The following KDM3A variants were observed in gnomAD, a reference collection of about 807,000 sequenced individuals.
KDM3A encodes lysine demethylase 3A.
In KDM3A, 60 loss-of-function variants were observed where a neutral mutation model predicts 158.0. The observed-to-expected ratio is 0.38, with a 90% CI of 0.31 to 0.47. KDM3A has a LOEUF of 0.47. Among genes scored for constraint, KDM3A ranks in the 20% least tolerant of loss-of-function variants. KDM3A has a pLI of 0.99. For synonymous variants in KDM3A, 608 were observed against 549.3 expected (o/e 1.11, Z -1.49); for missense variants, 1,319 against 1,574.3 (o/e 0.84, Z 2.74).
At position 86,456,848 on chromosome 2, in the gene KDM3A, A is replaced by C; in HGVS notation, c.725A>C (p.Glu242Ala). ...KIVDPSLIHV[E>A]VVHDNLVTCG... ...GTTGATCCGTCACTGATTCATGTTG[A>C]AGTTGTACACGATAACCTTGTGACA... Residue 242 changes from glutamate (E) to alanine (A), a missense_variant, in exon 7 of 26, where the codon GAA becomes GCA. By Grantham distance (107) the Glu-to-Ala change is moderately radical. Transcript: ENST00000312912. 6.2e-7 allele frequency: 1 copy of C among 1,612,486 alleles called. No individual in the cohort carries two copies.
intron 17 of KDM3A, 146 bp downstream of exon 17, chr2:86,482,248 G>A (rs528040954): frequency 1.7e-6 from 2 of 1,168,940 alleles, no homozygotes; most frequent in South Asian, 1.4e-5. Flanking sequence ...TGGAGGATGG[G>A]TTTTATGGGA....
Position 86,483,824 on chromosome 2 carries a change from C to T in KDM3A, c.2923-163C>T, listed in dbSNP as rs1311250701. On this transcript the variant is annotated intron_variant, in intron 18 of 25. Coordinates refer to ENST00000312912, the MANE Select transcript of KDM3A (RefSeq NM_018433.6). ...AGATGAATGGTGAAGGTTGGAGGTG[C>T]TTTGGGAGCTCAGAGAACTAAGCCG... 10 of 565,834 alleles carry T rather than the reference C, an allele frequency of 1.8e-5. No individual in the cohort carries two copies. The East Asian group carries it at 3.0e-4, about 17-fold the overall frequency. 35.1% of individuals were successfully genotyped at this position (565,834 alleles called of 1,614,324 possible).
intron 15 of KDM3A, chr2:86,479,394 G>A (rs1231590788): frequency 6.6e-6 from 1 of 152,096 alleles, no homozygotes; most frequent in Non-Finnish European, 1.5e-5. Flanking sequence ...GTAATATTTG[G>A]AGTCAGAACT....
chr2:86,456,593 G>A (rs370625046), intron 6 of KDM3A, 27 bp downstream of exon 6: 16 of 1,589,564 alleles, frequency 1.0e-5, no homozygotes, highest in Non-Finnish European at 1.3e-5. Flanking sequence ...CTCTTTGTAA[G>A]ATAACTCGAC....
chr2:86,449,985 G>T, intron 3 of KDM3A, 23 bp downstream of exon 3: 2 of 1,596,796 alleles, frequency 1.3e-6, no homozygotes, highest in South Asian at 2.3e-5. Context: ...TGGGCTTATT[G>T]AACTCCTGAG....
At chr2:86,460,994 G>C in intron 8 of KDM3A, among the ~76,000 whole-genome samples, 1 of 152,164 alleles carries the variant, frequency 6.6e-6, no homozygotes, top group Non-Finnish European at 1.5e-5. Context: ...GCTAAGTTGT[G>C]CTAATTCTAA....
chr2:86,489,729 A>G, intron 23 of KDM3A, 70 bp downstream of exon 23: 1 of 1,505,116 alleles, frequency 6.6e-7, no homozygotes, highest in Non-Finnish European at 8.9e-7. Flanking sequence ...CATGTGGTGA[A>G]CTGACTGGCT....
chr2:86,471,359 A>ATGTG (rs1673400121), intron 11 of KDM3A, among the ~76,000 whole-genome samples: 1 of 148,568 alleles, frequency 6.7e-6, no homozygotes, highest in African/African-American at 2.5e-5. Flanking sequence ...GTGTGTGTGT[A>ATGTG]TATGTGTATA....
chr2:86,442,062 C>T lies in KDM3A; in HGVS notation c.15C>T (p.Leu5=), dbSNP rs778556993. 6.8e-6 allele frequency: 11 copies of T among 1,613,988 alleles called. No homozygotes were observed. The highest frequency in any genetic ancestry group is 8.5e-6 in the Non-Finnish European group (10 of 1,179,952). MVLT[L]GESWPVLVGR... Reference sequence around the variant, plus strand: ...GCGTGGAAACCATGGTGCTCACGCTCGGAGAAAGTTGGCCGGTATTGGTGG... The same window carrying T: ...GCGTGGAAACCATGGTGCTCACGCTTGGAGAAAGTTGGCCGGTATTGGTGG... Residue 5 remains leucine, a synonymous_variant, in exon 2 of 26, where the codon CTC becomes CTT. Transcript: ENST00000312912.
At chr2:86,472,454 G>T (rs1178433946) in intron 11 of KDM3A, among the ~76,000 whole-genome samples, 1 of 151,964 alleles carries the variant, frequency 6.6e-6, no homozygotes, top group African/African-American at 2.4e-5. Context: ...TAGGGGTAGG[G>T]TCTCAGTGGT....
At chr2:86,485,691 C>T in intron 20 of KDM3A, 38 bp from the exon 21 acceptor site, 1 of 1,605,882 alleles carries the variant, frequency 6.2e-7, no homozygotes, top group Non-Finnish European at 8.5e-7. Context: ...ATTAGAAAAG[C>T]AATCTAACTT....
Position 86,479,788 on chromosome 2 carries a change from G to A in KDM3A, c.2317-379G>A, listed in dbSNP as rs778120149. 39 of 163,186 alleles carry A rather than the reference G, an allele frequency of 2.4e-4. No individual in the cohort carries two copies. In the Middle Eastern group the frequency reaches 8.9e-3, roughly 37 times the overall value. The allele number at this position is 163,186 out of a possible 1,614,324, so 10.1% of individuals were successfully genotyped here. ...TCACCGCTTTACCTTTCCTGCCTGC[G>A]TCATTTATTCGTTTTTAACCATGTT... is the stretch of plus-strand genomic sequence containing the variant. On this transcript the variant is annotated intron_variant, in intron 15 of 25. Coordinates refer to ENST00000312912, the MANE Select transcript of KDM3A (RefSeq NM_018433.6).
In KDM3A at chr2:86,454,088, A is replaced by G. The variant is rs148452608; in HGVS notation, c.454-997A>G. Among the ~76,000 whole-genome samples, 850 of 152,284 alleles carry G rather than the reference A, an allele frequency of 5.6e-3. 7 individuals are homozygous for G. Among genetic ancestry groups the G allele is most frequent in the African/African-American group, 0.018 (755 of 41,546 alleles). ...AATGTTTCAGAACTGGCTTACTCTGACGCCTTAGGCTATTCATTCAGATTT... is the reference window on the plus strand; with the variant it reads ...AATGTTTCAGAACTGGCTTACTCTGGCGCCTTAGGCTATTCATTCAGATTT... On this transcript the variant is annotated intron_variant, in intron 4 of 25. Transcript: ENST00000312912.
At chr2:86,489,189 A>G (rs971289803) in intron 21 of KDM3A, 129 bp from the exon 22 acceptor site, 90 of 1,115,060 alleles carry the variant, frequency 8.1e-5, no homozygotes, top group Non-Finnish European at 1.1e-4. Flanking sequence ...TTTTGCAATA[A>G]TTTGATCCAG....
chr2:86,442,001 T>C lies in KDM3A; in HGVS notation c.-30-17T>C. On this transcript the variant is annotated splice_polypyrimidine_tract_variant and intron_variant, in intron 1 of 25. Transcript: ENST00000312912. ...CACCGGCCGCCCCCGTCGCATTTTG[T>C]TTTTGTGTTTTTGCAGGGAGGAGCT... The C allele has an allele frequency of 6.6e-7, 1 of 1,506,172 alleles. No homozygotes were observed. The highest frequency in any genetic ancestry group is 9.0e-7 in the Non-Finnish European group (1 of 1,105,848). The allele number at this position is 1,506,172 out of a possible 1,614,324, so 93.3% of individuals were successfully genotyped here. A position where few individuals can be genotyped will look rare whatever the true frequency, so the allele number is the denominator to read the frequency against.
Position 86,484,099 on chromosome 2 carries a change from A to T in KDM3A, c.3035A>T (p.Asn1012Ile). The T allele has an allele frequency of 1.2e-6, 2 of 1,614,020 alleles. No homozygotes were observed. Among genetic ancestry groups the T allele is most frequent in the East Asian group, 2.2e-5 (1 of 44,866 alleles). The change falls in exon 19 of 26, where the codon AAT (asparagine) becomes ATT (isoleucine). Residue 1012 changes from asparagine (N) to isoleucine (I), a missense_variant. This residue lies in a region of KDM3A where 368 missense variants were observed against 415.8 expected (regional missense o/e 0.89). Transcript: ENST00000312912. Reference protein sequence around the residue: ...QEVDLVNCRTNEIITGATVGD... With the variant: ...QEVDLVNCRTIEIITGATVGD... ...GTAGACCTAGTTAATTGTAGGACCA[A>T]TGAAATCATCACAGGAGCCACAGTA...
In KDM3A at chr2:86,492,109, G is replaced by C; in HGVS notation, c.3956G>C (p.Gly1319Ala). ...CTGAAAGCCAGTGAATCCAGTTTTG[G>C]CAAACCTTAATCTCCCTGCACATTG... ...AMLKASESSF[G>A]KP is the part of the protein sequence containing the mutation. Residue 1319 changes from glycine to alanine, a missense_variant, in exon 26 of 26, where the codon GGC becomes GCC. Physicochemically the swap from Gly to Ala is moderately conservative, Grantham distance 60. This residue lies in a region of KDM3A where 186 missense variants were observed against 340.9 expected (regional missense o/e 0.55). Transcript: ENST00000312912. 2 of 1,612,046 alleles carry C rather than the reference G, an allele frequency of 1.2e-6. No individual in the cohort carries two copies. Among genetic ancestry groups the C allele is most frequent in the Non-Finnish European group, 1.7e-6 (2 of 1,178,400 alleles).
Position 86,466,856 on chromosome 2 carries a change from T to G in KDM3A, c.1492T>G (p.Ser498Ala). Residue 498 changes from serine (S) to alanine (A), a missense_variant, in exon 10 of 26, where the codon TCA becomes GCA. Transcript: ENST00000312912. ...SVKVDNESCCSRSNNKIQNAP... is the reference protein window; with the variant it reads ...SVKVDNESCCARSNNKIQNAP... ...AAAAGTAGATAATGAAAGCTGTTGT[T>G]CAAGAAGCAACAATAAAATCCAGAA... is the stretch of plus-strand genomic sequence containing the variant. 6.2e-7 allele frequency: 1 copy of G among 1,605,728 alleles called. No homozygotes were observed. The highest frequency in any genetic ancestry group is 8.5e-7 in the Non-Finnish European group (1 of 1,176,718).
rs777446219 is a variant in KDM3A, at chr2:86,481,832, TAGAA to T, written c.2513-95_2513-92del. 4.2e-4 allele frequency: 382 copies of T among 907,864 alleles called. 2 individuals are homozygous for T. The South Asian group carries it at 4.4e-3, about 10-fold the overall frequency. The allele number at this position is 907,864 out of a possible 1,614,324, so 56.2% of individuals were successfully genotyped here. On this transcript the variant is annotated intron_variant, in intron 16 of 25. Transcript: ENST00000312912. ...AAAGTATTTTTTTTGTTTCAGTAAA[TAGAA>T]AGCAAGTTCTAAAGTAATTCTGCTA...
Sources: allele counts gnomAD v4.1 joint callset (sites outside exome capture counted in the v4.1 genomes callset), GRCh38; gene constraint gnomAD v4.1.1; regional missense constraint gnomAD v4.1.1; transcripts MANE v1.5; gene names NCBI Gene and HGNC (gene_info 2026-07-23, HGNC 2026-07-21).